The following ADAMTS16 variants were observed in gnomAD, a reference collection of about 807,000 sequenced individuals.
The protein encoded by ADAMTS16 is ADAM metallopeptidase with thrombospondin type 1 motif 16.
A neutral mutation model predicts 145.8 loss-of-function variants in ADAMTS16; 94 were observed. That is an observed-to-expected ratio of 0.64 (90% CI 0.55 to 0.77). The LOEUF is 0.77. Among genes scored for constraint, ADAMTS16 ranks in the 30% least tolerant of loss-of-function variants. ADAMTS16 has a pLI of 0.00. For missense variants in ADAMTS16, 1,585 were observed against 1,591.5 expected, an observed-to-expected ratio of 1.00 and a Z score of 0.07; for synonymous variants, 659 against 604.3, an observed-to-expected ratio of 1.09 and a Z score of -1.33.
chr5:5,187,100 C>T (rs1488779863), intron 5 of ADAMTS16, among the ~76,000 whole-genome samples: 2 of 152,232 alleles, frequency 1.3e-5, no homozygotes, highest in Admixed American at 1.3e-4. Context: ...CTGTTGTCCT[C>T]AGCAAGCTGC....
chr5:5,266,869 C>T (rs191444051), intron 18 of ADAMTS16, among the ~76,000 whole-genome samples: 18 of 152,284 alleles, frequency 1.2e-4, no homozygotes, highest in Admixed American at 6.5e-4. Context: ...ACTTTCCAAG[C>T]GAGACCATAA....
intron 20 of ADAMTS16, among the ~76,000 whole-genome samples, chr5:5,305,613 C>T (rs928987776): frequency 1.3e-5 from 2 of 152,148 alleles, no homozygotes; most frequent in African/African-American, 2.4e-5. Context: ...GAGGAGTGTT[C>T]CAAGTCCTCT....
intron 3 of ADAMTS16, among the ~76,000 whole-genome samples, chr5:5,173,142 G>A (rs1287191815): frequency 3.4e-5 from 5 of 147,534 alleles, no homozygotes; most frequent in Non-Finnish European, 6.0e-5. Flanking sequence ...GTGACTATAG[G>A]TGAAATTACT....
intron 14 of ADAMTS16, 42 bp from the exon 15 acceptor site, chr5:5,239,109 C>T: frequency 2.1e-6 from 3 of 1,453,362 alleles, no homozygotes; most frequent in Non-Finnish European, 2.7e-6. Flanking sequence ...GCTGTGTTGT[C>T]CTTTCTTTCA....
intron 11 of ADAMTS16, among the ~76,000 whole-genome samples, chr5:5,227,756 T>G (rs1392542180): frequency 6.6e-6 from 1 of 152,214 alleles, no homozygotes; most frequent in African/African-American, 2.4e-5. Flanking sequence ...CCTTTGCCAT[T>G]ACTTTTGATT....
At chr5:5,249,836 G>A (rs1190130806) in intron 17 of ADAMTS16, among the ~76,000 whole-genome samples, 1 of 152,118 alleles carries the variant, frequency 6.6e-6, no homozygotes, top group African/African-American at 2.4e-5. Context: ...CAAATTGAAG[G>A]GTGGTGAACA....
At chr5:5,273,789 A>G (rs903221707) in intron 18 of ADAMTS16, among the ~76,000 whole-genome samples, 9 of 152,238 alleles carry the variant, frequency 5.9e-5, no homozygotes, top group Non-Finnish European at 1.3e-4. Flanking sequence ...ATAACTATAG[A>G]CAAACACAAT....
At chr5:5,242,853 G>C (rs1168529721) in intron 17 of ADAMTS16, among the ~76,000 whole-genome samples, 1 of 152,162 alleles carries the variant, frequency 6.6e-6, no homozygotes, top group East Asian at 1.9e-4. Context: ...GATATAAACA[G>C]TGATGAGTAA....
intron 18 of ADAMTS16, among the ~76,000 whole-genome samples, chr5:5,278,923 A>T (rs1738796603): frequency 1.3e-5 from 2 of 152,238 alleles, no homozygotes; most frequent in South Asian, 4.1e-4. Flanking sequence ...AACCAAACAA[A>T]CAAAAAAAAC....
intron 17 of ADAMTS16, among the ~76,000 whole-genome samples, chr5:5,257,535 G>A (rs537024529): frequency 2.0e-5 from 3 of 152,300 alleles, no homozygotes; most frequent in South Asian, 2.1e-4. Flanking sequence ...TAATGCAAAC[G>A]GCAATGTAAT....
chr5:5,258,032 C>T (rs566355696), intron 17 of ADAMTS16, among the ~76,000 whole-genome samples: 2 of 152,264 alleles, frequency 1.3e-5, no homozygotes, highest in African/African-American at 2.4e-5. Context: ...CTCGAAGGGT[C>T]CCGAGCACAG....
intron 16 of ADAMTS16, among the ~76,000 whole-genome samples, 198 bp from the exon 17 acceptor site, chr5:5,241,855 T>G (rs2081850): frequency 6.6e-6 from 1 of 150,784 alleles, no homozygotes; most frequent in Non-Finnish European, 1.5e-5. Context: ...GTCTAGACAT[T>G]TTTTTAGATG....
At chr5:5,273,005 C>T (rs570520834) in intron 18 of ADAMTS16, among the ~76,000 whole-genome samples, 1 of 152,240 alleles carries the variant, frequency 6.6e-6, no homozygotes, top group Admixed American at 6.5e-5. Flanking sequence ...AGGGGCCCTT[C>T]CAGAGTCATT....
At chr5:5,168,827 T>A (rs951850086) in intron 3 of ADAMTS16, among the ~76,000 whole-genome samples, 6 of 148,864 alleles carry the variant, frequency 4.0e-5, no homozygotes, top group African/African-American at 9.9e-5. Flanking sequence ...ATTGTTATAA[T>A]CTTCTTTTCT....
intron 2 of ADAMTS16, among the ~76,000 whole-genome samples, chr5:5,144,508 A>C (rs1445414444): frequency 6.6e-6 from 1 of 152,168 alleles, no homozygotes; most frequent in Non-Finnish European, 1.5e-5. Context: ...ATTATTGTTT[A>C]AAATTTTACC....
At chr5:5,289,380 T>G (rs975641554) in intron 18 of ADAMTS16, among the ~76,000 whole-genome samples, 8 of 152,252 alleles carry the variant, frequency 5.3e-5, no homozygotes, top group African/African-American at 1.9e-4. Context: ...CTTTAAGATT[T>G]GCAAATATTT....
At chr5:5,220,536 C>G (rs13171041) in intron 10 of ADAMTS16, among the ~76,000 whole-genome samples, 469 of 152,196 alleles carry the variant, frequency 3.1e-3, no homozygotes, top group Middle Eastern at 0.027. Flanking sequence ...AATTAGGACC[C>G]TAGATCCCTA....
At chr5:5,244,119 C>T (rs994761575) in intron 17 of ADAMTS16, among the ~76,000 whole-genome samples, 1 of 152,150 alleles carries the variant, frequency 6.6e-6, no homozygotes, top group African/African-American at 2.4e-5. Context: ...AAAACCTGAC[C>T]TCTTCATAGG....
intron 9 of ADAMTS16, among the ~76,000 whole-genome samples, chr5:5,205,231 T>A (rs1284490075): frequency 1.3e-5 from 2 of 152,036 alleles, no homozygotes; most frequent in Non-Finnish European, 2.9e-5. Flanking sequence ...TGCCTTTTGC[T>A]AAACAGAAAT....
Sources: allele counts gnomAD v4.1 joint callset (sites outside exome capture counted in the v4.1 genomes callset), GRCh38; gene constraint gnomAD v4.1.1; transcripts MANE v1.5; gene names NCBI Gene and HGNC (gene_info 2026-07-23, HGNC 2026-07-21).